TECRL: variants seen among roughly 807,000 people sequenced by gnomAD.
TECRL encodes the protein trans-2,3-enoyl-CoA reductase-like.
A neutral mutation model predicts 52.8 loss-of-function variants in TECRL; 63 were observed. That is an observed-to-expected ratio of 1.19 (90% confidence interval 0.97 to 1.47). The LOEUF (loss-of-function observed/expected upper bound fraction) is 1.47, where lower values mean the gene tolerates loss of function less well. Ranked by LOEUF, TECRL falls within the 40% of genes most tolerant of loss-of-function variation. The pLI, the probability that TECRL is intolerant of heterozygous loss-of-function variation, is 0.00. For synonymous variants in TECRL, 164 were observed against 141.9 expected, an observed-to-expected ratio of 1.16 and a Z score of -1.10; for missense variants, 482 against 429.6, an observed-to-expected ratio of 1.12 and a Z score of -1.08.
intron 1 of TECRL, among the ~76,000 whole-genome samples, chr4:64,399,663 C>T (rs1200819118): frequency 6.6e-6 from 1 of 152,164 alleles, no homozygotes; most frequent in Admixed American, 6.5e-5. Flanking sequence ...AGCTTCAACC[C>T]TGGTGCAAAG....
intron 4 of TECRL, among the ~76,000 whole-genome samples, chr4:64,321,669 T>C (rs905048326): frequency 6.6e-6 from 1 of 152,208 alleles, no homozygotes; most frequent in Non-Finnish European, 1.5e-5. Flanking sequence ...GTTTCAATAC[T>C]GTGCACTAGT....
intron 2 of TECRL, among the ~76,000 whole-genome samples, chr4:64,362,387 G>T (rs1474684740): frequency 6.6e-6 from 1 of 151,660 alleles, no homozygotes; most frequent in Non-Finnish European, 1.5e-5. Flanking sequence ...CCATCCCCAA[G>T]ACTTACAGTC....
chr4:64,314,906 G>T, intron 4 of TECRL, 143 bp from the exon 5 acceptor site: 1 of 647,120 alleles, frequency 1.5e-6, no homozygotes, highest in Admixed American at 2.9e-5. Flanking sequence ...TGCAAATAAC[G>T]ACTTCCTTGG....
At chr4:64,367,889 T>C (rs1721713100) in intron 2 of TECRL, among the ~76,000 whole-genome samples, 1 of 152,142 alleles carries the variant, frequency 6.6e-6, no homozygotes, top group African/African-American at 2.4e-5. Flanking sequence ...ATCTCTTTTG[T>C]TATGCTCAAC....
intron 6 of TECRL, among the ~76,000 whole-genome samples, chr4:64,307,393 C>T (rs149321664): frequency 7.9e-4 from 121 of 152,252 alleles, no homozygotes; most frequent in African/African-American, 2.9e-3. Flanking sequence ...TACCTTCCAG[C>T]CCTCCTGGTC....
chr4:64,294,510 A>G (rs1032327834), intron 8 of TECRL, among the ~76,000 whole-genome samples: 1 of 152,156 alleles, frequency 6.6e-6, no homozygotes, highest in Non-Finnish European at 1.5e-5. Flanking sequence ...ATATGCCGTA[A>G]TAGGTACCGA....
intron 1 of TECRL, among the ~76,000 whole-genome samples, chr4:64,382,769 G>A (rs964000944): frequency 1.8e-4 from 27 of 151,898 alleles, no homozygotes; most frequent in African/African-American, 6.5e-4. Flanking sequence ...CTATTATTTT[G>A]TATGTCCTTT....
chr4:64,359,843 C>G (rs146851939), intron 2 of TECRL, among the ~76,000 whole-genome samples: 1 of 152,134 alleles, frequency 6.6e-6, no homozygotes, highest in African/African-American at 2.4e-5. Flanking sequence ...ATAAATTTGA[C>G]TAGTATTTTA....
chr4:64,359,078 T>G (rs1169284908), intron 2 of TECRL, among the ~76,000 whole-genome samples: 1 of 151,838 alleles, frequency 6.6e-6, no homozygotes, highest in Non-Finnish European at 1.5e-5. Context: ...CTTTTTATGG[T>G]TTTCTGAAAA....
intron 2 of TECRL, among the ~76,000 whole-genome samples, chr4:64,344,154 C>T (rs1719781759): frequency 6.6e-6 from 1 of 151,078 alleles, no homozygotes; most frequent in African/African-American, 2.4e-5. Flanking sequence ...TAGGAAAAAA[C>T]TCATATATAT....
At chr4:64,409,008 A>G (rs960515909) in intron 1 of TECRL, 110 bp downstream of exon 1, 2 of 1,013,628 alleles carry the variant, frequency 2.0e-6, no homozygotes, top group African/African-American at 1.6e-5. Context: ...TAAAAGTCAG[A>G]AATGTATTTC....
intron 9 of TECRL, among the ~76,000 whole-genome samples, chr4:64,288,079 G>A (rs188314889): frequency 5.9e-4 from 90 of 151,940 alleles, no homozygotes; most frequent in African/African-American, 1.9e-3. Context: ...CCGCTTAAAG[G>A]CAGAAGTTGC....
intron 1 of TECRL, among the ~76,000 whole-genome samples, chr4:64,386,233 A>T (rs1372236743): frequency 6.6e-6 from 1 of 152,190 alleles, no homozygotes. Context: ...AAAGCATATA[A>T]TATGTATTAT....
chr4:64,408,293 T>C (rs1255330474), intron 1 of TECRL, among the ~76,000 whole-genome samples: 2 of 151,966 alleles, frequency 1.3e-5, no homozygotes, highest in Admixed American at 1.3e-4. Context: ...AAAAACGTAT[T>C]CAATATTTTT....
At chr4:64,344,606 A>C (rs1719819038) in intron 2 of TECRL, among the ~76,000 whole-genome samples, 1 of 152,224 alleles carries the variant, frequency 6.6e-6, no homozygotes, top group Non-Finnish European at 1.5e-5. Flanking sequence ...ATTTAAATTT[A>C]AAACAAAGTG....
rs1039663445 is a variant in TECRL at position 64,399,145 on chromosome 4, C to A, written c.234+9973G>T. On this transcript the variant is annotated intron_variant, in intron 1 of 11. Coordinates refer to ENST00000381210, the MANE Select transcript of TECRL (RefSeq NM_001010874.5). Reference sequence around the variant, plus strand: ...GCATAAAAGAGAGATAAAGAAGAGGCTTTACTGGCCCAACCAGACAAACAG... The same window carrying A: ...GCATAAAAGAGAGATAAAGAAGAGGATTTACTGGCCCAACCAGACAAACAG... Among the ~76,000 whole-genome samples, 16 of 85,360 alleles carry A rather than the reference C, an allele frequency of 1.9e-4. 1 individual carries two copies. The South Asian group carries it at 5.1e-3, about 27-fold the overall frequency. The allele number at this position is 85,360 out of a possible 152,430, so 56.0% of individuals were successfully genotyped here.
At chr4:64,373,506 A>G (rs1722125891) in intron 2 of TECRL, among the ~76,000 whole-genome samples, 1 of 151,836 alleles carries the variant, frequency 6.6e-6, no homozygotes, top group Non-Finnish European at 1.5e-5. Context: ...CGTTCCTTTA[A>G]AAGTTTAAGA....
At chr4:64,329,354 CT>C (rs963460804) in intron 2 of TECRL, among the ~76,000 whole-genome samples, 2 of 151,428 alleles carry the variant, frequency 1.3e-5, no homozygotes, top group South Asian at 2.1e-4. Flanking sequence ...CAATTATCTT[CT>C]TTTTTTTCAA....
chr4:64,320,707 T>C (rs141506493), intron 4 of TECRL, among the ~76,000 whole-genome samples: 1 of 152,092 alleles, frequency 6.6e-6, no homozygotes, highest in Non-Finnish European at 1.5e-5. Context: ...CAGAGTTCCC[T>C]TTTCGTTGTA....
Sources: allele counts gnomAD v4.1 joint callset (sites outside exome capture counted in the v4.1 genomes callset), GRCh38; gene constraint gnomAD v4.1.1; transcripts MANE v1.5; gene names NCBI Gene and HGNC (gene_info 2026-07-23, HGNC 2026-07-21).